The following MAML2 variants were observed in gnomAD, a reference collection of about 807,000 sequenced individuals.
The protein encoded by MAML2 is mastermind-like protein 2.
Under a neutral mutation model 96.1 loss-of-function variants are expected in MAML2, and 22 were observed. That is an observed-to-expected ratio of 0.23 (90% CI 0.16 to 0.33). MAML2 has a LOEUF of 0.33. Among genes scored for constraint, MAML2 ranks in the 10% least tolerant of loss-of-function variants. MAML2 has a pLI of 1.00. For synonymous variants in MAML2, 561 were observed against 521.3 expected (o/e 1.08, Z -1.04); for missense variants, 1,367 against 1,392.4 (o/e 0.98, Z 0.29).
intron 1 of MAML2, among the ~76,000 whole-genome samples, chr11:96,145,207 C>A (rs1860797530): frequency 6.6e-6 from 1 of 152,190 alleles, no homozygotes; most frequent in Non-Finnish European, 1.5e-5. Context: ...CAGAGTCCAG[C>A]TTCTGTTAGA....
chr11:96,055,509 C>T (rs1245427025), intron 2 of MAML2, among the ~76,000 whole-genome samples: 1 of 152,142 alleles, frequency 6.6e-6, no homozygotes, highest in East Asian at 1.9e-4. Context: ...CATACAGAGC[C>T]TTTTCTCTCT....
At chr11:96,329,940 C>T (rs1291202792) in intron 1 of MAML2, among the ~76,000 whole-genome samples, 2 of 152,150 alleles carry the variant, frequency 1.3e-5, no homozygotes, top group Non-Finnish European at 2.9e-5. Context: ...CCTAGAAGAT[C>T]GAATGCAATT....
chr11:96,090,792 T>C (rs756006074), intron 2 of MAML2, among the ~76,000 whole-genome samples: 5 of 152,212 alleles, frequency 3.3e-5, no homozygotes, highest in African/African-American at 4.8e-5. Flanking sequence ...GGGCAAAGGT[T>C]AGCTTGGACA....
chr11:96,019,654 A>G (rs1268443354), intron 2 of MAML2, among the ~76,000 whole-genome samples: 2 of 148,178 alleles, frequency 1.3e-5, no homozygotes, highest in South Asian at 4.3e-4. Context: ...CATTTTAGCC[A>G]TTTCAGCAGC....
At chr11:96,129,376 G>A (rs1405568754) in intron 1 of MAML2, among the ~76,000 whole-genome samples, 1 of 152,170 alleles carries the variant, frequency 6.6e-6, no homozygotes, top group Non-Finnish European at 1.5e-5. Context: ...TCTGAGGTGG[G>A]CCTAAGAATC....
intron 1 of MAML2, among the ~76,000 whole-genome samples, chr11:96,267,420 AG>A: frequency 1.3e-5 from 2 of 152,350 alleles, no homozygotes; most frequent in South Asian, 4.1e-4. Flanking sequence ...GCTTCTAGCT[AG>A]GGGAAAAAAG....
chr11:96,239,794 T>C (rs146861838), intron 1 of MAML2, among the ~76,000 whole-genome samples: 1 of 152,318 alleles, frequency 6.6e-6, no homozygotes, highest in African/African-American at 2.4e-5. Flanking sequence ...AATGTAGGTA[T>C]ATTAGTAAGT....
At chr11:96,042,257 C>T (rs1415997619) in intron 2 of MAML2, among the ~76,000 whole-genome samples, 9 of 152,124 alleles carry the variant, frequency 5.9e-5, no homozygotes, top group Non-Finnish European at 1.2e-4. Flanking sequence ...GGATTACAGG[C>T]GTGAGCCACC....
At chr11:96,261,233 C>T (rs1447325503) in intron 1 of MAML2, among the ~76,000 whole-genome samples, 1 of 152,086 alleles carries the variant, frequency 6.6e-6, no homozygotes, top group Non-Finnish European at 1.5e-5. Flanking sequence ...TGAGCTAGCA[C>T]ATTAGCACGC....
intron 1 of MAML2, among the ~76,000 whole-genome samples, chr11:96,188,626 C>CT (rs1247379852): frequency 2.7e-5 from 4 of 150,536 alleles, no homozygotes; most frequent in Non-Finnish European, 4.4e-5. Context: ...ACTTTATGTC[C>CT]TTTTTGAGGA....
At position 96,070,499 on chromosome 11, in the gene MAML2, T is replaced by C. The variant is rs147189523; in HGVS notation, c.2139+21393A>G. Among the ~76,000 whole-genome samples, 607 of 152,296 alleles carry C rather than the reference T, an allele frequency of 4.0e-3. 2 individuals are homozygous for C. The highest frequency in any genetic ancestry group is 7.0e-3 in the Non-Finnish European group (474 of 68,020). On this transcript the variant is annotated intron_variant, in intron 2 of 4. Transcript: ENST00000524717. ...TCATCTCCAAGCTTCTGGGCACCAC[T>C]GTGTTCCCTGGTGCTAGCCAGGGAA...
chr11:96,282,681 T>C (rs908071457), intron 1 of MAML2, among the ~76,000 whole-genome samples: 3 of 152,216 alleles, frequency 2.0e-5, no homozygotes, highest in Non-Finnish European at 2.9e-5. Flanking sequence ...TTTGACAATA[T>C]AGCCAAGGTC....
At chr11:96,021,210 C>T (rs1053184471) in intron 2 of MAML2, among the ~76,000 whole-genome samples, 18 of 152,172 alleles carry the variant, frequency 1.2e-4, no homozygotes, top group African/African-American at 4.1e-4. Context: ...GGTTTGTTCT[C>T]TTCTCCATTA....
At chr11:96,187,182 T>G (rs564517791) in intron 1 of MAML2, among the ~76,000 whole-genome samples, 3 of 152,224 alleles carry the variant, frequency 2.0e-5, no homozygotes, top group African/African-American at 7.2e-5. Flanking sequence ...TCTCCCCATC[T>G]TTTTTAGAAG....
chr11:96,009,953 T>C (rs964744271), intron 2 of MAML2, among the ~76,000 whole-genome samples: 2 of 152,206 alleles, frequency 1.3e-5, no homozygotes, highest in African/African-American at 4.8e-5. Context: ...ACAGGATTTA[T>C]AAGGCGTGGG....
intron 1 of MAML2, among the ~76,000 whole-genome samples, chr11:96,151,383 G>C (rs1192482926): frequency 6.6e-6 from 1 of 152,186 alleles, no homozygotes; most frequent in Non-Finnish European, 1.5e-5. Flanking sequence ...TTACAGTTAT[G>C]AGTTATATTT....
chr11:96,255,878 T>G (rs2135969871), intron 1 of MAML2, among the ~76,000 whole-genome samples: 1 of 147,884 alleles, frequency 6.8e-6, no homozygotes, highest in East Asian at 2.0e-4. Context: ...TTTTTTTTTT[T>G]TTTTTTTTTT....
Position 96,092,356 on chromosome 11 carries a change from A to G in MAML2, c.1675T>C (p.Leu559=). ...MEPRQGNTKP[L]FHFNSDQANQ... ...GCTTGATCTGAGTTAAAATGAAACA[A>G]AGGCTTGGTGTTGCCCTGACGGGGC... The change falls in exon 2 of 5, where the codon TTG becomes CTG. Residue 559 remains leucine, a synonymous_variant. Transcript: ENST00000524717. This position sits in a 1 kb window ranked among gnomAD's most constrained non-coding sequence, Gnocchi z 4.1. 1.2e-6 allele frequency: 2 copies of G among 1,613,186 alleles called. No homozygotes were observed. The highest frequency in any genetic ancestry group is 1.7e-6 in the Non-Finnish European group (2 of 1,179,602).
chr11:96,340,655 C>T (rs1384202196), intron 1 of MAML2, among the ~76,000 whole-genome samples: 3 of 152,162 alleles, frequency 2.0e-5, no homozygotes, highest in East Asian at 1.9e-4. Flanking sequence ...ATAGCTGCTT[C>T]GTGCCTGTCT....
Sources: gnomAD v4.1 joint callset for allele counts (sites outside exome capture counted in the v4.1 genomes callset) on GRCh38, gnomAD v4.1.1 for gene constraint, Gnocchi (gnomAD v3.1) non-coding constraint, MANE v1.5 for transcripts, NCBI Gene and HGNC (gene_info 2026-07-23, HGNC 2026-07-21) for gene names.